The following MLIP variants were observed in gnomAD, a reference collection of about 807,000 sequenced individuals.
The protein encoded by MLIP is muscular LMNA-interacting protein.
Under a neutral mutation model 84.8 loss-of-function variants are expected in MLIP, and 79 were observed. The observed-to-expected ratio is 0.93, with a 90% CI of 0.78 to 1.12. MLIP has a LOEUF of 1.12. MLIP is among the 50% of genes most tolerant of loss of function. The pLI is 0.00. For synonymous variants in MLIP, 504 were observed against 463.0 expected, an observed-to-expected ratio of 1.09 and a Z score of -1.14; for missense variants, 1,257 against 1,160.6, an observed-to-expected ratio of 1.08 and a Z score of -1.21.
intron 8 of MLIP, among the ~76,000 whole-genome samples, chr6:54,168,258 C>T (rs893466920): frequency 5.3e-5 from 8 of 151,812 alleles, no homozygotes; most frequent in Admixed American, 3.9e-4. Flanking sequence ...CTTACTCCTT[C>T]AAGTCTTTGA....
intron 4 of MLIP, among the ~76,000 whole-genome samples, chr6:54,143,805 T>A (rs1236408084): frequency 6.6e-6 from 1 of 152,172 alleles, no homozygotes; most frequent in Non-Finnish European, 1.5e-5. Flanking sequence ...TCAACAAATA[T>A]TTGCTGAACA....
intron 4 of MLIP, among the ~76,000 whole-genome samples, chr6:54,147,338 T>C (rs1441904045): frequency 6.6e-6 from 1 of 152,148 alleles, no homozygotes; most frequent in Non-Finnish European, 1.5e-5. Flanking sequence ...GTAATAGTAA[T>C]AAATGTCAAC....
chr6:54,236,661 T>C (rs1781385537), intron 12 of MLIP, among the ~76,000 whole-genome samples: 1 of 152,160 alleles, frequency 6.6e-6, no homozygotes, highest in Non-Finnish European at 1.5e-5. Flanking sequence ...TTTGTTTGCA[T>C]CTCTGTGTGT....
chr6:54,048,391 T>C (rs1765189082), intron 1 of MLIP, among the ~76,000 whole-genome samples: 1 of 152,026 alleles, frequency 6.6e-6, no homozygotes, highest in African/African-American at 2.4e-5. Flanking sequence ...GATTCAGTGC[T>C]TGGGGAGAAT....
chr6:54,227,607 G>C (rs988618088), intron 11 of MLIP, among the ~76,000 whole-genome samples: 2 of 152,042 alleles, frequency 1.3e-5, no homozygotes, highest in African/African-American at 2.4e-5. Flanking sequence ...CAACAAAAAG[G>C]GTCATTTACA....
intron 1 of MLIP, among the ~76,000 whole-genome samples, chr6:54,050,031 G>A (rs1765286475): frequency 6.6e-6 from 1 of 152,054 alleles, no homozygotes; most frequent in South Asian, 2.1e-4. Context: ...TGCAAAGTGG[G>A]TAGAGAGGGT....
chr6:54,175,781 G>C (rs1425222145), intron 9 of MLIP, among the ~76,000 whole-genome samples: 1 of 151,872 alleles, frequency 6.6e-6, no homozygotes, highest in African/African-American at 2.4e-5. Flanking sequence ...GAATAACAGT[G>C]GTGACAGTGG....
chr6:54,068,096 TCTCC>T (rs796254308), intron 1 of MLIP, among the ~76,000 whole-genome samples: 2 of 38,578 alleles, frequency 5.2e-5, no homozygotes, highest in Admixed American at 2.5e-4. Context: ...TCTTTTTCTC[TCTCC>T]CTCCCTCCCT....
intron 12 of MLIP, among the ~76,000 whole-genome samples, chr6:54,254,774 TCCC>T (rs1373013011): frequency 1.2e-4 from 16 of 134,108 alleles, no homozygotes; most frequent in Non-Finnish European, 2.3e-4. Flanking sequence ...CTTCCCTTCC[TCCC>T]TCCCTTCCCC....
intron 12 of MLIP, among the ~76,000 whole-genome samples, chr6:54,233,834 C>T (rs1306803984): frequency 6.6e-6 from 1 of 152,130 alleles, no homozygotes; most frequent in Non-Finnish European, 1.5e-5. Context: ...GATTTCTTCT[C>T]TCTCCAGATC....
chr6:54,184,181 T>C (rs1404066495), intron 9 of MLIP, among the ~76,000 whole-genome samples: 1 of 152,084 alleles, frequency 6.6e-6, no homozygotes, highest in Non-Finnish European at 1.5e-5. Context: ...GGATTAGAGC[T>C]CTTGAACTTT....
intron 12 of MLIP, among the ~76,000 whole-genome samples, chr6:54,234,158 C>G (rs1054897632): frequency 3.3e-5 from 5 of 152,030 alleles, no homozygotes; most frequent in Non-Finnish European, 7.4e-5. Context: ...GATAGCCCAG[C>G]AGGTTAAGAG....
intron 1 of MLIP, among the ~76,000 whole-genome samples, chr6:54,084,701 T>G (rs76493370): frequency 0.012 from 1,806 of 152,310 alleles, 32 homozygotes; most frequent in African/African-American, 0.04. Flanking sequence ...TTAGTATATT[T>G]TCATTGCATT....
intron 11 of MLIP, among the ~76,000 whole-genome samples, chr6:54,227,501 A>G (rs1014035772): frequency 1.3e-5 from 2 of 152,220 alleles, no homozygotes; most frequent in Non-Finnish European, 2.9e-5. Context: ...TTCCTACAAA[A>G]GTAGATGAAG....
intron 8 of MLIP, 73 bp from the exon 9 acceptor site, chr6:54,169,455 A>G (rs1775546332): frequency 1.0e-6 from 1 of 980,666 alleles, no homozygotes; most frequent in Non-Finnish European, 1.5e-6. Flanking sequence ...GAAGGTGAAC[A>G]CATTCCAGAA....
intron 9 of MLIP, among the ~76,000 whole-genome samples, chr6:54,184,473 T>C (rs1369366418): frequency 1.3e-5 from 2 of 152,164 alleles, no homozygotes; most frequent in African/African-American, 2.4e-5. Flanking sequence ...ATGCTGCAGA[T>C]TGCAAGGAAT....
At chr6:54,057,309 G>A (rs559122276) in intron 1 of MLIP, among the ~76,000 whole-genome samples, 3 of 152,296 alleles carry the variant, frequency 2.0e-5, no homozygotes, top group Non-Finnish European at 4.4e-5. Flanking sequence ...ACTTTGGAAG[G>A]TTTCTAAGTT....
chr6:54,024,588 G>T (rs1461270361), intron 1 of MLIP, among the ~76,000 whole-genome samples: 1 of 152,142 alleles, frequency 6.6e-6, no homozygotes, highest in Non-Finnish European at 1.5e-5. Flanking sequence ...ACTAAGGGCT[G>T]CAGTGGGAAC....
intron 1 of MLIP, among the ~76,000 whole-genome samples, chr6:54,025,837 C>T (rs1763771157): frequency 6.6e-6 from 1 of 152,144 alleles, no homozygotes; most frequent in African/African-American, 2.4e-5. Flanking sequence ...GCTGCCCTCC[C>T]TAAGGTATTT....
Sources: allele counts gnomAD v4.1 joint callset (sites outside exome capture counted in the v4.1 genomes callset), GRCh38; gene constraint gnomAD v4.1.1; transcripts MANE v1.5; gene names NCBI Gene and HGNC (gene_info 2026-07-23, HGNC 2026-07-21).